Variants in ASXL1 observed in about 807,000 individuals in gnomAD.
ASXL1 encodes polycomb group protein ASXL1.
In ASXL1, 65 loss-of-function variants were observed where a neutral mutation model predicts 89.1. The ratio of observed to expected loss-of-function variants is 0.73; its 90% CI spans 0.60 to 0.90. The LOEUF (loss-of-function observed/expected upper bound fraction) is 0.90, where lower values mean the gene tolerates loss of function less well. Among genes scored for constraint, ASXL1 ranks in the 40% least tolerant of loss-of-function variants. The probability of loss-of-function intolerance (pLI) is 0.00; values close to 1 mark genes in which losing one functional copy is unlikely to be tolerated. For synonymous variants in ASXL1, 739 were observed against 746.9 expected (o/e 0.99, Z 0.17); for missense variants, 1,786 against 1,942.9 (o/e 0.92, Z 1.52).
At chr20:32,393,385 G>A (rs2048705920) in intron 4 of ASXL1, among the ~76,000 whole-genome samples, 1 of 151,868 alleles carries the variant, frequency 6.6e-6, no homozygotes, top group African/African-American at 2.4e-5. Context: ...TTTTTTCCCA[G>A]GCATCATGTG....
intron 4 of ASXL1, among the ~76,000 whole-genome samples, chr20:32,397,281 T>C (rs1220342771): frequency 8.0e-6 from 1 of 125,158 alleles, no homozygotes; most frequent in Non-Finnish European, 1.7e-5. Flanking sequence ...TTTTTTTTTT[T>C]GGTAGAGATG....
At chr20:32,409,126 A>G (rs1600539377) in intron 4 of ASXL1, among the ~76,000 whole-genome samples, 1 of 152,180 alleles carries the variant, frequency 6.6e-6, no homozygotes, top group East Asian at 1.9e-4. Context: ...GGCGGGCACC[A>G]CCATACCTGG....
chr20:32,363,454 T>C (rs899488960), intron 1 of ASXL1, among the ~76,000 whole-genome samples: 3 of 152,220 alleles, frequency 2.0e-5, no homozygotes, highest in Admixed American at 6.5e-5. Flanking sequence ...TCAGGGCTTA[T>C]GGTCTTCTGG....
intron 4 of ASXL1, among the ~76,000 whole-genome samples, chr20:32,378,311 T>G (rs1228779358): frequency 6.6e-6 from 1 of 151,916 alleles, no homozygotes; most frequent in Non-Finnish European, 1.5e-5. Flanking sequence ...TGAACCACCA[T>G]GCCCAGCCTT....
At chr20:32,368,202 G>A (rs1051399841) in intron 3 of ASXL1, among the ~76,000 whole-genome samples, 1 of 152,124 alleles carries the variant, frequency 6.6e-6, no homozygotes, top group African/African-American at 2.4e-5. Flanking sequence ...TAATATGCTA[G>A]TGCCAAACTC....
rs762246040 is a variant in ASXL1 at position 32,431,620 on chromosome 20, CA to C, written c.921del (p.Leu308Ter). On this transcript the variant is annotated frameshift_variant, in exon 10 of 13. Coordinates refer to ENST00000375687, the MANE Select transcript of ASXL1 (RefSeq NM_015338.6). LOFTEE classifies it high-confidence loss of function. ...TDGLLRLSSS[A>X]LNNEFFTHAA... ...GGCCTGTTGCGTCTCAGCAGCAGTG[CA>C]CTAAATAACGAGTTTTTTACCCATG... 6.2e-7 allele frequency: 1 copy of C among 1,614,138 alleles called. No homozygotes were observed. The highest frequency in any genetic ancestry group is 8.5e-7 in the Non-Finnish European group (1 of 1,180,044).
chr20:32,382,627 A>C (rs1480963414), intron 4 of ASXL1, among the ~76,000 whole-genome samples: 1 of 143,916 alleles, frequency 6.9e-6, no homozygotes, highest in Non-Finnish European at 1.5e-5. Context: ...AAAAAAAAAA[A>C]CAAAACCTGT....
rs973425189 is a variant in ASXL1 at position 32,386,846 on chromosome 20, G to A, written c.252+17723G>A. ...AAGTTTTTAGGATCTTTTTTTCCAC[G>A]ATTATGTACCTTGATGTGGGTCTTT... is the stretch of plus-strand genomic sequence containing the variant. On this transcript the variant is annotated intron_variant, in intron 4 of 12. Transcript: ENST00000375687. Among the ~76,000 whole-genome samples, 8 of 136,124 alleles carry A rather than the reference G, an allele frequency of 5.9e-5. 1 individual carries two copies. The highest frequency in any genetic ancestry group is 2.1e-4 in the East Asian group (1 of 4,748). The allele number at this position is 136,124 out of a possible 152,430, so 89.3% of individuals were successfully genotyped here.
At chr20:32,378,383 G>A (rs79929071) in intron 4 of ASXL1, among the ~76,000 whole-genome samples, 9 of 151,924 alleles carry the variant, frequency 5.9e-5, no homozygotes, top group African/African-American at 1.5e-4. Context: ...CATTTTTGGC[G>A]TCAGGTTGGC....
chr20:32,415,008 G>GT (rs869230340), intron 4 of ASXL1, among the ~76,000 whole-genome samples: 10 of 124,826 alleles, frequency 8.0e-5, no homozygotes, highest in Admixed American at 1.7e-4. Flanking sequence ...TTGTTTGTTT[G>GT]TTTGTTTTGT....
In ASXL1 at chr20:32,435,805, G is replaced by A. The variant is rs2145377556; in HGVS notation, c.3093G>A (p.Lys1031=). ...TGACAAAGGGATCTTCGGTGGACAA[G>A]GATGAGAAACCCAATTGGAACCAAT... ...AAVTKGSSVD[K]DEKPNWNQSA... is the part of the protein sequence containing the mutation. Residue 1031 remains lysine, a synonymous_variant, in exon 13 of 13, where the codon AAG becomes AAA. Transcript: ENST00000375687. The A allele has an allele frequency of 6.2e-7, 1 of 1,614,216 alleles. No homozygotes were observed.
rs2145379428 is a variant in ASXL1 at position 32,435,990 on chromosome 20, G to A, written c.3278G>A (p.Cys1093Tyr). ...ASTEYQPRAV[C>Y]LSMPGSSVEA... ...ACTGAGTACCAGCCAAGAGCCGTGT[G>A]CCTGTCCATGCCTGGGTCCTCAGTG... Residue 1093 changes from cysteine (C) to tyrosine (Y), a missense_variant, in exon 13 of 13, where the codon TGC becomes TAC. Transcript: ENST00000375687. 1.2e-6 allele frequency: 2 copies of A among 1,614,064 alleles called. No homozygotes were observed. Among genetic ancestry groups the A allele is most frequent in the Non-Finnish European group, 1.7e-6 (2 of 1,180,018 alleles).
Position 32,433,388 on chromosome 20 carries a change from G to A in ASXL1, c.1190G>A (p.Arg397His), listed in dbSNP as rs757102293. ...CVPGESVRIQ[R>H]GPATRQRDGH... is the part of the protein sequence containing the mutation. Reference sequence around the variant, plus strand: ...CCAGGAGAATCAGTGCGTATACAGCGTGGTCCAGCCACCCGACAGCGAGAT... The same window carrying A: ...CCAGGAGAATCAGTGCGTATACAGCATGGTCCAGCCACCCGACAGCGAGAT... Residue 397 changes from arginine to histidine, a missense_variant, in exon 12 of 13, where the codon CGT becomes CAT. Physicochemically the swap from Arg to His is conservative, Grantham distance 29. Around this residue, in one of 3 missense-constraint regions of ASXL1, gnomAD observed 1,418 missense variants for 1,427.8 expected, o/e 0.99. Coordinates refer to ENST00000375687, the MANE Select transcript of ASXL1 (RefSeq NM_015338.6). 4.3e-6 allele frequency: 7 copies of A among 1,614,060 alleles called. No individual in the cohort carries two copies. The highest frequency in any genetic ancestry group is 3.3e-5 in the Admixed American group (2 of 59,998).
chr20:32,401,544 G>GTGTGTGTGTT (rs35101542), intron 4 of ASXL1, among the ~76,000 whole-genome samples: 4 of 69,304 alleles, frequency 5.8e-5, no homozygotes, highest in African/African-American at 1.4e-4. Context: ...GTGTGTGTGT[G>GTGTGTGTGTT]TTTTTTCCCC....
intron 1 of ASXL1, among the ~76,000 whole-genome samples, chr20:32,365,359 T>C (rs6141294): frequency 0.35 from 53,621 of 151,986 alleles, 10,515 homozygotes; most frequent in East Asian, 0.74. Flanking sequence ...AAACCTTGAC[T>C]TTGGTGCTGA....
Position 32,429,908 on chromosome 20 carries a change from G to C in ASXL1, c.573G>C (p.Ser191=), listed in dbSNP as rs753416045. The change falls in exon 8 of 13, where the codon TCG becomes TCC. Residue 191 remains serine, a synonymous_variant. Transcript: ENST00000375687. This position sits in a 1 kb window ranked among gnomAD's most constrained non-coding sequence, Gnocchi z 4.9. ...GGAATGCTGTGCCTTCAGGGTTCTC[G>C]GGCTGCCACGCCGATGGCGAGAGCG... The part of the protein sequence containing the change: ...GAHVESASGF[S]GCHADGESGS... 3.1e-6 allele frequency: 5 copies of C among 1,607,756 alleles called. No individual in the cohort carries two copies. The highest frequency in any genetic ancestry group is 4.2e-6 in the Non-Finnish European group (5 of 1,179,526).
intron 4 of ASXL1, among the ~76,000 whole-genome samples, chr20:32,412,427 C>A (rs765671231): frequency 2.6e-4 from 40 of 152,074 alleles, no homozygotes; most frequent in Non-Finnish European, 5.4e-4. Context: ...AGTCAAAATA[C>A]TTGAAGAATT....
At chr20:32,419,006 T>C (rs6087899) in intron 4 of ASXL1, among the ~76,000 whole-genome samples, 1 of 151,628 alleles carries the variant, frequency 6.6e-6, no homozygotes, top group Non-Finnish European at 1.5e-5. Context: ...CTAATTATTG[T>C]ATTTTTGGTA....
chr20:32,397,545 G>A (rs890063871), intron 4 of ASXL1, among the ~76,000 whole-genome samples: 15 of 151,272 alleles, frequency 9.9e-5, no homozygotes, highest in Non-Finnish European at 2.1e-4. Flanking sequence ...GATTACAGGT[G>A]TGTGCCACCA....
Sources: gnomAD v4.1 joint callset for allele counts (sites outside exome capture counted in the v4.1 genomes callset) on GRCh38, gnomAD v4.1.1 for gene constraint, gnomAD v4.1.1 regional missense constraint, Gnocchi (gnomAD v3.1) non-coding constraint, MANE v1.5 for transcripts, NCBI Gene and HGNC (gene_info 2026-07-23, HGNC 2026-07-21) for gene names.